Variants in EPHX4 observed in about 807,000 individuals in gnomAD.
EPHX4 encodes the protein epoxide hydrolase 4.
EPHX4 carries 31 observed loss-of-function variants against 44.9 expected under a neutral mutation model. That is an observed-to-expected ratio of 0.69 (90% CI 0.52 to 0.93). EPHX4 has a LOEUF of 0.93. EPHX4 is among the 40% of genes least tolerant of loss of function. The pLI, the probability that EPHX4 is intolerant of heterozygous loss-of-function variation, is 0.00. For synonymous variants in EPHX4, 151 were observed against 159.7 expected (o/e 0.95, Z 0.41); for missense variants, 373 against 438.1 (o/e 0.85, Z 1.33).
intron 3 of EPHX4, chr1:92,043,183 C>T (rs1398041541): frequency 1.6e-5 from 7 of 432,436 alleles, no homozygotes; most frequent in African/African-American, 1.0e-4. Flanking sequence ...TTCTGTCTAC[C>T]AGCCAAGAAT....
At position 92,030,148 on chromosome 1, in the gene EPHX4, G is replaced by A. The variant is rs764510015; in HGVS notation, c.69G>A (p.Leu23=). 3.7e-6 allele frequency: 6 copies of A among 1,612,742 alleles called. No individual in the cohort carries two copies. In the African/African-American group the frequency reaches 8.0e-5, roughly 22 times the overall value. ...LTLRSLLFWS[L]VYCYCGLCAS... is the part of the protein sequence containing the mutation. The stretch of plus-strand genomic sequence containing the variant: ...TCCGGTCCCTGCTCTTCTGGTCCCT[G>A]GTCTACTGCTACTGCGGGCTCTGCG... The change falls in exon 1 of 7, where the codon CTG becomes CTA. Residue 23 remains leucine, a synonymous_variant. Transcript: ENST00000370383.
intron 4 of EPHX4, 24 bp from the exon 5 acceptor site, chr1:92,050,293 T>A: frequency 6.9e-7 from 1 of 1,443,970 alleles, no homozygotes; most frequent in Non-Finnish European, 9.7e-7. Flanking sequence ...TTGGATAAGG[T>A]CTAACATGGC....
At chr1:92,047,001 T>G (rs544192479) in intron 4 of EPHX4, among the ~76,000 whole-genome samples, 4 of 152,300 alleles carry the variant, frequency 2.6e-5, no homozygotes, top group African/African-American at 9.6e-5. Flanking sequence ...CACCCTAATC[T>G]CATCAGAAAA....
In EPHX4 at chr1:92,042,776, T is replaced by G. The variant is rs771429432; in HGVS notation, c.318-47T>G. On this transcript the variant is annotated intron_variant, in intron 2 of 6. Transcript: ENST00000370383. ...AAAAGAAAATCTGTAATGTTACTGT[T>G]TGTACTAGCTAATATGATATTTTAA... 4.0e-6 allele frequency: 6 copies of G among 1,496,322 alleles called. No individual in the cohort carries two copies. In the East Asian group the frequency reaches 1.2e-4, roughly 29 times the overall value. 92.7% of individuals were successfully genotyped at this position (1,496,322 alleles called of 1,614,324 possible). A position where few individuals can be genotyped will look rare whatever the true frequency, so the allele number is the denominator to read the frequency against.
intron 2 of EPHX4, among the ~76,000 whole-genome samples, chr1:92,038,177 G>A (rs1215503616): frequency 6.6e-6 from 1 of 152,176 alleles, no homozygotes; most frequent in Non-Finnish European, 1.5e-5. Context: ...ATATGACATG[G>A]AAGCATCATG....
chr1:92,035,949 CT>C (rs1429806679), intron 2 of EPHX4, among the ~76,000 whole-genome samples: 1 of 152,188 alleles, frequency 6.6e-6, no homozygotes, highest in Non-Finnish European at 1.5e-5. Context: ...TGTTCTCATT[CT>C]ATAGGAATTA....
In EPHX4 at chr1:92,050,847, T is replaced by C. The variant is rs559149267; in HGVS notation, c.708+427T>C. Among the ~76,000 whole-genome samples, 3 of 152,358 alleles carry C rather than the reference T, an allele frequency of 2.0e-5. No individual in the cohort carries two copies. The South Asian group carries it at 6.2e-4, about 32-fold the overall frequency. The stretch of plus-strand genomic sequence containing the variant: ...TTATTAAATTCTTCTTTTTATTTTT[T>C]TGTTTTGCTTTGTTTTTGAGACAGG... On this transcript the variant is annotated intron_variant, in intron 5 of 6. Transcript: ENST00000370383.
chr1:92,042,882 A>G lies in EPHX4; in HGVS notation c.377A>G (p.Asp126Gly). ...AGTGAATATCGAGTTGTAGCACTGG[A>G]TTTGAGAGGTTATGGAGAAACAGAT... ...FKSEYRVVAL[D>G]LRGYGETDAP... The change falls in exon 3 of 7, where the codon GAT (aspartate) becomes GGT (glycine). Residue 126 changes from aspartate to glycine, a missense_variant. Coordinates refer to ENST00000370383, the MANE Select transcript of EPHX4 (RefSeq NM_173567.5). 1 of 1,613,720 alleles carries G rather than the reference A, an allele frequency of 6.2e-7. No individual in the cohort carries two copies. Among genetic ancestry groups the G allele is most frequent in the African/African-American group, 1.3e-5 (1 of 75,022 alleles).
At chr1:92,048,296 C>G (rs1271009486) in intron 4 of EPHX4, among the ~76,000 whole-genome samples, 1 of 152,108 alleles carries the variant, frequency 6.6e-6, no homozygotes, top group African/African-American at 2.4e-5. Context: ...AATTCAACAG[C>G]AGAAGTCATG....
intron 6 of EPHX4, among the ~76,000 whole-genome samples, chr1:92,058,579 T>C (rs1289264681): frequency 6.6e-6 from 1 of 151,680 alleles, no homozygotes; most frequent in African/African-American, 2.4e-5. Flanking sequence ...AATCTAGAAA[T>C]AGAGGAGAAA....
intron 2 of EPHX4, 70 bp downstream of exon 2, chr1:92,032,660 C>T (rs188019032): frequency 8.9e-6 from 11 of 1,242,464 alleles, no homozygotes; most frequent in Non-Finnish European, 1.2e-5. Context: ...TTTTGTGCTG[C>T]TGTAACAGAA....
At chr1:92,037,867 T>G (rs910244019) in intron 2 of EPHX4, among the ~76,000 whole-genome samples, 3 of 152,242 alleles carry the variant, frequency 2.0e-5, no homozygotes, top group Admixed American at 6.5e-5. Flanking sequence ...TTAGGGTTAC[T>G]GCTTTTGTAA....
intron 2 of EPHX4, among the ~76,000 whole-genome samples, chr1:92,040,341 AAT>A (rs1491098446): frequency 1.3e-5 from 1 of 79,132 alleles, no homozygotes; most frequent in Non-Finnish European, 2.4e-5. Context: ...ATACTTAGCA[AAT>A]TTTTTTTTTT....
At chr1:92,058,436 C>T (rs559265326) in intron 6 of EPHX4, among the ~76,000 whole-genome samples, 10 of 148,148 alleles carry the variant, frequency 6.8e-5, no homozygotes, top group Admixed American at 4.0e-4. Flanking sequence ...AGCGAAACCC[C>T]GTCTCAGAAA....
intron 2 of EPHX4, among the ~76,000 whole-genome samples, chr1:92,033,259 C>T (rs1688387429): frequency 6.6e-6 from 1 of 152,032 alleles, no homozygotes; most frequent in Non-Finnish European, 1.5e-5. Flanking sequence ...ATCATGTGCC[C>T]AGAGTTAATA....
intron 3 of EPHX4, chr1:92,043,700 A>G (rs1294840754): frequency 3.3e-5 from 5 of 152,196 alleles, no homozygotes; most frequent in African/African-American, 9.6e-5. Flanking sequence ...TCCTGTGCTC[A>G]TGGATCTGCA....
intron 4 of EPHX4, among the ~76,000 whole-genome samples, chr1:92,047,261 T>C (rs1688595118): frequency 6.6e-6 from 1 of 152,156 alleles, no homozygotes. Context: ...AGCAAAAAAT[T>C]AGCTGGGTGT....
intron 6 of EPHX4, among the ~76,000 whole-genome samples, chr1:92,062,584 CAAAAAAAAAAA>C (rs1167530513): frequency 5.0e-5 from 1 of 20,090 alleles, no homozygotes; most frequent in Non-Finnish European, 1.3e-4. Context: ...AACTCCATCT[CAAAAAAAAAAA>C]AAAAAAAAAA....
At chr1:92,034,191 T>A (rs1688403189) in intron 2 of EPHX4, among the ~76,000 whole-genome samples, 1 of 147,674 alleles carries the variant, frequency 6.8e-6, no homozygotes, top group African/African-American at 2.5e-5. Context: ...TCCCAGCTAC[T>A]CGGGAGGCTG....
Sources: gnomAD v4.1 joint callset for allele counts (sites outside exome capture counted in the v4.1 genomes callset) on GRCh38, gnomAD v4.1.1 for gene constraint, MANE v1.5 for transcripts, NCBI Gene and HGNC (gene_info 2026-07-23, HGNC 2026-07-21) for gene names.